The following UNC13B variants were observed in gnomAD, a reference collection of about 807,000 sequenced individuals.
UNC13B encodes the protein unc-13 homolog B, also known as protein unc-13 homolog B.
UNC13B carries 144 observed loss-of-function variants against 211.0 expected under a neutral mutation model. That is an observed-to-expected ratio of 0.68 (90% CI 0.60 to 0.78). The LOEUF is 0.78. Among genes scored for constraint, UNC13B ranks in the 30% least tolerant of loss-of-function variants. The pLI is 0.00. For synonymous variants in UNC13B, 709 were observed against 725.8 expected (o/e 0.98, Z 0.37); for missense variants, 1,777 against 2,002.0 (o/e 0.89, Z 2.14).
At chr9:35,377,232 G>A (rs1242577258) in intron 15 of UNC13B, among the ~76,000 whole-genome samples, 1 of 152,226 alleles carries the variant, frequency 6.6e-6, no homozygotes, top group Non-Finnish European at 1.5e-5. Context: ...AGAGTCAGCG[G>A]AAGAGATGGG....
intron 7 of UNC13B, 102 bp from the exon 8 acceptor site, chr9:35,295,594 G>A (rs186990396): frequency 5.3e-6 from 6 of 1,123,936 alleles, no homozygotes; most frequent in East Asian, 4.8e-5. Context: ...GCTTGCTTTT[G>A]TTCTCAAGGT....
intron 11 of UNC13B, chr9:35,352,761 T>A: frequency 2.4e-6 from 3 of 1,232,218 alleles, no homozygotes; most frequent in Non-Finnish European, 3.0e-6. Context: ...TGTGATGAAC[T>A]GTCAGAGAAA....
chr9:35,272,968 G>A (rs1342068369), intron 7 of UNC13B, among the ~76,000 whole-genome samples: 2 of 152,030 alleles, frequency 1.3e-5, no homozygotes, highest in Non-Finnish European at 2.9e-5. Flanking sequence ...AGCCCACCTT[G>A]GAGTTTCAAA....
chr9:35,345,252 G>A (rs919880950), intron 11 of UNC13B, among the ~76,000 whole-genome samples: 3 of 152,120 alleles, frequency 2.0e-5, no homozygotes, highest in African/African-American at 7.2e-5. Context: ...GTGGGGGGAC[G>A]ACAATACTGG....
intron 6 of UNC13B, 122 bp downstream of exon 6, chr9:35,243,486 T>A: frequency 9.7e-7 from 1 of 1,033,624 alleles, no homozygotes; most frequent in Non-Finnish European, 1.4e-6. Flanking sequence ...TAAATTGCAT[T>A]GAAGAAAAAA....
intron 2 of UNC13B, among the ~76,000 whole-genome samples, chr9:35,228,740 G>A (rs958066479): frequency 4.7e-5 from 6 of 126,342 alleles, no homozygotes; most frequent in South Asian, 2.8e-4. Flanking sequence ...GTGTGTGTGT[G>A]TGTGTGTGTA....
At chr9:35,197,467 CA>C (rs1235044904) in intron 1 of UNC13B, among the ~76,000 whole-genome samples, 1 of 152,170 alleles carries the variant, frequency 6.6e-6, no homozygotes, top group African/African-American at 2.4e-5. Flanking sequence ...CTCAGCCTCC[CA>C]AAGTGTTGGG....
rs373528248 is a variant in UNC13B at position 35,377,609 on chromosome 9, A to G, written c.9977A>G (p.Lys3326Arg). ...ATCCGGGACGTCTTCACAGTGAACA[A>G]AGCTGCCCATGTGCAGCAGATGAAA... ...EVIRDVFTVN[K>R]AAHVQQMKTV... is the part of the protein sequence containing the mutation. Residue 3326 changes from lysine to arginine, a missense_variant, in exon 16 of 40, where the codon AAA becomes AGA. Transcript: ENST00000635942. 5 of 1,614,208 alleles carry G rather than the reference A, an allele frequency of 3.1e-6. No individual in the cohort carries two copies. The highest frequency in any genetic ancestry group is 2.2e-5 in the South Asian group (2 of 91,078).
Position 35,189,377 on chromosome 9 carries a change from G to T in UNC13B, c.22+27072G>T, listed in dbSNP as rs147508675. Among the ~76,000 whole-genome samples the T allele has an allele frequency of 6.9e-3, 1,058 of 152,254 alleles. 7 individuals are homozygous for T. Among genetic ancestry groups the T allele is most frequent in the Non-Finnish European group, 9.4e-3 (639 of 68,028 alleles). ...ACCCTCTTCAGCATCTAACTTTCAC[G>T]TGTCCCAGGCCTTACCTATCTGTAA... On this transcript the variant is annotated intron_variant, in intron 1 of 39. Coordinates refer to ENST00000635942, the MANE Select transcript of UNC13B (RefSeq NM_001371189.2).
At chr9:35,232,892 G>C in intron 3 of UNC13B, among the ~76,000 whole-genome samples, 1 of 152,136 alleles carries the variant, frequency 6.6e-6, no homozygotes, top group Admixed American at 6.5e-5. Flanking sequence ...CATTTAATGA[G>C]GGGACAGAGG....
In UNC13B at chr9:35,397,812, C is replaced by G. The variant is rs367814123; in HGVS notation, c.11754+100C>G. The stretch of plus-strand genomic sequence containing the variant: ...AGAATTGAGGGTTGGGGTGACACTC[C>G]TGATGCCTGATTCCCACCATGGCTT... On this transcript the variant is annotated intron_variant, in intron 30 of 39. Coordinates refer to ENST00000635942, the MANE Select transcript of UNC13B (RefSeq NM_001371189.2). The G allele has an allele frequency of 7.9e-4, 946 of 1,203,816 alleles. 19 individuals carry two copies. The South Asian group carries it at 0.012, about 15-fold the overall frequency. The allele number at this position is 1,203,816 out of a possible 1,614,324, so 74.6% of individuals were successfully genotyped here.
chr9:35,381,220 G>T lies in UNC13B; in HGVS notation c.10491+5G>T. 2 of 1,611,374 alleles carry T rather than the reference G, an allele frequency of 1.2e-6. No homozygotes were observed. The highest frequency in any genetic ancestry group is 1.7e-6 in the Non-Finnish European group (2 of 1,178,492). On this transcript the variant is annotated splice_donor_5th_base_variant and intron_variant, in intron 19 of 39. Coordinates refer to ENST00000635942, the MANE Select transcript of UNC13B (RefSeq NM_001371189.2). ...CAGTATACATGTCTCCATGAGGTGA[G>T]CCAGCCCTTGGTAGGTGGGGGATCA... is the stretch of plus-strand genomic sequence containing the variant.
At chr9:35,231,810 G>T (rs1186362884) in intron 3 of UNC13B, among the ~76,000 whole-genome samples, 1 of 151,902 alleles carries the variant, frequency 6.6e-6, no homozygotes, top group Non-Finnish European at 1.5e-5. Flanking sequence ...TTAAACTTTG[G>T]CTTTAAAAAC....
At chr9:35,218,983 G>A (rs182456248) in intron 1 of UNC13B, among the ~76,000 whole-genome samples, 7 of 152,098 alleles carry the variant, frequency 4.6e-5, no homozygotes, top group East Asian at 1.9e-4. Flanking sequence ...TCCCAACCTC[G>A]GGTGATCTGC....
Position 35,404,100 on chromosome 9 carries a change from T to G in UNC13B, c.*67T>G, listed in dbSNP as rs1836532301. ...CAAATCAGGGCCAGTGGGAGTTAGCTGTGTAACCGGCTTAGGGTCTTTGCA... is the reference window on the plus strand; with the variant it reads ...CAAATCAGGGCCAGTGGGAGTTAGCGGTGTAACCGGCTTAGGGTCTTTGCA... On this transcript the variant is annotated 3_prime_UTR_variant, in exon 40 of 40. Coordinates refer to ENST00000635942, the MANE Select transcript of UNC13B (RefSeq NM_001371189.2). 1 of 1,561,282 alleles carries G rather than the reference T, an allele frequency of 6.4e-7. No homozygotes were observed. The highest frequency in any genetic ancestry group is 8.7e-7 in the Non-Finnish European group (1 of 1,155,832).
chr9:35,320,761 C>A (rs1367074027), intron 11 of UNC13B, among the ~76,000 whole-genome samples: 2 of 152,092 alleles, frequency 1.3e-5, no homozygotes, highest in Admixed American at 6.6e-5. Flanking sequence ...TCTTACTTTT[C>A]TGTGTACTTC....
intron 11 of UNC13B, among the ~76,000 whole-genome samples, chr9:35,330,215 C>G (rs1440521550): frequency 6.6e-6 from 1 of 152,198 alleles, no homozygotes; most frequent in African/African-American, 2.4e-5. Flanking sequence ...GAGTACAAAG[C>G]TCTACAAGCA....
intron 1 of UNC13B, among the ~76,000 whole-genome samples, chr9:35,211,906 T>C (rs543953337): frequency 6.6e-6 from 1 of 152,318 alleles, no homozygotes; most frequent in South Asian, 2.1e-4. Context: ...GGCTGCACTA[T>C]GTTGCCCAGG....
At chr9:35,217,579 C>T (rs995674245) in intron 1 of UNC13B, among the ~76,000 whole-genome samples, 1 of 151,722 alleles carries the variant, frequency 6.6e-6, no homozygotes, top group Admixed American at 6.6e-5. Context: ...TTAGTAGAGA[C>T]GGGGTTTCAC....
Sources: gnomAD v4.1 joint callset for allele counts (sites outside exome capture counted in the v4.1 genomes callset) on GRCh38, gnomAD v4.1.1 for gene constraint, MANE v1.5 for transcripts, NCBI Gene and HGNC (gene_info 2026-07-23, HGNC 2026-07-21) for gene names.